SIRT4: variants seen among roughly 807,000 people sequenced by gnomAD.
The protein encoded by SIRT4 is NAD-dependent protein lipoamidase sirtuin-4, mitochondrial.
SIRT4 carries 23 observed loss-of-function variants against 26.1 expected under a neutral mutation model. That is an observed-to-expected ratio of 0.88 (90% CI 0.63 to 1.25). The LOEUF (loss-of-function observed/expected upper bound fraction) is 1.25, where lower values mean the gene tolerates loss of function less well. Among genes scored for constraint, SIRT4 ranks in the 50% most tolerant of loss-of-function variants. The pLI is 0.00. For missense variants in SIRT4, 361 were observed against 405.4 expected (o/e 0.89, Z 0.94); for synonymous variants, 155 against 158.4 (o/e 0.98, Z 0.16).
intron 2 of SIRT4, among the ~76,000 whole-genome samples, chr12:120,310,771 C>T (rs913011329): frequency 4.5e-4 from 68 of 150,544 alleles, no homozygotes; most frequent in African/African-American, 1.6e-3. Context: ...GAGTCTCGCT[C>T]GTTGCCCAGG....
the SIRT4 span, among the ~76,000 whole-genome samples, chr12:120,297,233 A>ATACATACATACATAC: frequency 7.4e-6 from 1 of 134,350 alleles, no homozygotes; most frequent in African/African-American, 3.1e-5. Context: ...AAAATAAATA[A>ATACATACATACATAC]ATACATACAT....
chr12:120,301,657 A>C (rs1872554528), upstream of SIRT4, among the ~76,000 whole-genome samples: 1 of 152,048 alleles, frequency 6.6e-6, no homozygotes, highest in Non-Finnish European at 1.5e-5. Flanking sequence ...AAAACTTTAA[A>C]AAAAAGTCAA....
At chr12:120,291,801 T>TA in the SIRT4 span, 3 of 152,228 alleles carry the variant, frequency 2.0e-5, no homozygotes, top group South Asian at 2.1e-4. Context: ...ATGCCGACTA[T>TA]ATTTCAAGTC....
chr12:120,297,454 A>G (rs1018576729), upstream of SIRT4, among the ~76,000 whole-genome samples: 2 of 151,388 alleles, frequency 1.3e-5, no homozygotes, highest in Admixed American at 6.6e-5. Context: ...CTCAGTAGCT[A>G]TCAAGTGAAA....
the SIRT4 span, among the ~76,000 whole-genome samples, chr12:120,292,918 T>C: frequency 6.6e-6 from 1 of 152,222 alleles, no homozygotes; most frequent in African/African-American, 2.4e-5. Context: ...ACTCCAACTT[T>C]CATAAACGCA....
chr12:120,302,168 G>A (rs1295203314), upstream of SIRT4: 1 of 151,970 alleles, frequency 6.6e-6, no homozygotes, highest in Non-Finnish European at 1.5e-5. Flanking sequence ...ATGATTAAAA[G>A]CTTTTATATT....
upstream of SIRT4, among the ~76,000 whole-genome samples, chr12:120,299,721 T>G (rs1462028633): frequency 6.6e-6 from 1 of 152,114 alleles, no homozygotes; most frequent in Non-Finnish European, 1.5e-5. Flanking sequence ...TTAAACTTGC[T>G]TCAAAGTTAC....
At chr12:120,291,957 T>C in the SIRT4 span, 1 of 152,172 alleles carries the variant, frequency 6.6e-6, no homozygotes, top group Non-Finnish European at 1.5e-5. Flanking sequence ...ACCATTACAT[T>C]GAGGGTGAGT....
chr12:120,291,844 T>C, the SIRT4 span: 14 of 152,170 alleles, frequency 9.2e-5, no homozygotes, highest in African/African-American at 1.7e-4. Flanking sequence ...AGTTTTCAAT[T>C]AGCAATAATC....
rs201389846 is a variant in SIRT4 at position 120,312,482 on chromosome 12, A to C, written c.524A>C (p.Gln175Pro). ...GTCCTGTGCTTGGATTGTGGGGAAC[A>C]GACTCCCCGGGGGGTGCTGCAAGAG... ...DRVLCLDCGE[Q>P]TPRGVLQERF... Residue 175 changes from glutamine to proline, a missense_variant, in exon 3 of 4, where the codon CAG (glutamine) becomes CCG (proline). Coordinates refer to ENST00000202967, the MANE Select transcript of SIRT4 (RefSeq NM_012240.3). The C allele has an allele frequency of 6.1e-5, 99 of 1,613,624 alleles. No individual in the cohort carries two copies. The Middle Eastern group carries it at 8.3e-4, about 13-fold the overall frequency.
In SIRT4 at chr12:120,303,660, G is replaced by A; in HGVS notation, c.99G>A (p.Val33=). Residue 33 remains valine, a synonymous_variant, in exon 2 of 4, where the codon GTG becomes GTA. Transcript: ENST00000202967. ...CGAAAGCCTCCATTGGGTTATTTGT[G>A]CCAGCAAGTCCTCCTCTGGACCCTG... ...PCSKASIGLF[V]PASPPLDPEK... 1 of 1,614,060 alleles carries A rather than the reference G, an allele frequency of 6.2e-7. No individual in the cohort carries two copies. Among genetic ancestry groups the A allele is most frequent in the Non-Finnish European group, 8.5e-7 (1 of 1,180,018 alleles).
Position 120,303,635 on chromosome 12 carries a change from C to T in SIRT4, c.74C>T (p.Ser25Leu), listed in dbSNP as rs772284370. ...RWIANPSQPC[S>L]KASIGLFVPA... ...ATCGCAAACCCCAGCCAGCCGTGCTCGAAAGCCTCCATTGGGTTATTTGTG... is the reference window on the plus strand; with the variant it reads ...ATCGCAAACCCCAGCCAGCCGTGCTTGAAAGCCTCCATTGGGTTATTTGTG... Residue 25 changes from serine to leucine, a missense_variant, in exon 2 of 4, where the codon TCG becomes TTG. Transcript: ENST00000202967. 33 of 1,613,986 alleles carry T rather than the reference C, an allele frequency of 2.0e-5. No homozygotes were observed. The Admixed American group carries it at 2.5e-4, about 12-fold the overall frequency.
the SIRT4 span, among the ~76,000 whole-genome samples, chr12:120,296,772 A>T: frequency 6.6e-6 from 1 of 151,578 alleles, no homozygotes; most frequent in African/African-American, 2.4e-5. Context: ...GGCCTCCCCA[A>T]GGGGAGGGAT....
chr12:120,295,092 A>C, the SIRT4 span, among the ~76,000 whole-genome samples: 1 of 151,864 alleles, frequency 6.6e-6, no homozygotes, highest in African/African-American at 2.4e-5. Context: ...CAGCCTCCCA[A>C]AGTGCTGAGC....
chr12:120,293,936 C>T, the SIRT4 span, among the ~76,000 whole-genome samples: 1 of 151,254 alleles, frequency 6.6e-6, no homozygotes, highest in African/African-American at 2.4e-5. Flanking sequence ...AAGGTTCATC[C>T]ATGTTGTAGT....
chr12:120,291,827 T>TG, the SIRT4 span: 1 of 152,148 alleles, frequency 6.6e-6, no homozygotes, highest in Non-Finnish European at 1.5e-5. Context: ...GGCGGGGTAT[T>TG]GGGAAAAGTT....
At chr12:120,293,218 T>C in the SIRT4 span, 10 of 152,338 alleles carry the variant, frequency 6.6e-5, no homozygotes, top group East Asian at 1.9e-4. Context: ...TTGGCTACGA[T>C]ACTGCCACTG....
the SIRT4 span, chr12:120,291,810 T>TC: frequency 6.6e-6 from 1 of 152,182 alleles, no homozygotes; most frequent in African/African-American, 2.4e-5. Flanking sequence ...ATATTTCAAG[T>TC]CGTCATGGCG....
upstream of SIRT4, among the ~76,000 whole-genome samples, chr12:120,301,745 G>C (rs1349057401): frequency 6.6e-6 from 1 of 152,038 alleles, no homozygotes; most frequent in Non-Finnish European, 1.5e-5. Flanking sequence ...GTAAAGCATA[G>C]ACAGGCACAG....
Sources: gnomAD v4.1 joint callset for allele counts (sites outside exome capture counted in the v4.1 genomes callset) on GRCh38, gnomAD v4.1.1 for gene constraint, MANE v1.5 for transcripts, NCBI Gene and HGNC (gene_info 2026-07-23, HGNC 2026-07-21) for gene names.